Variants in CABCOCO1 observed in about 807,000 individuals in gnomAD.
CABCOCO1 encodes ciliary-associated calcium-binding coiled-coil protein 1.
Under a neutral mutation model 35.7 loss-of-function variants are expected in CABCOCO1, and 28 were observed. That is an observed-to-expected ratio of 0.78 (90% CI 0.58 to 1.07). The LOEUF (loss-of-function observed/expected upper bound fraction) is 1.07, where lower values mean the gene tolerates loss of function less well. Ranked by LOEUF, CABCOCO1 falls within the 50% of genes least tolerant of loss-of-function variation. The pLI, the probability that CABCOCO1 is intolerant of heterozygous loss-of-function variation, is 0.00. For missense variants in CABCOCO1, 326 were observed against 309.2 expected (o/e 1.05, Z -0.41); for synonymous variants, 95 against 100.1 (o/e 0.95, Z 0.30).
chr10:61,747,358 T>C (rs1368899160), intron 5 of CABCOCO1, among the ~76,000 whole-genome samples: 2 of 152,158 alleles, frequency 1.3e-5, no homozygotes, highest in African/African-American at 2.4e-5. Flanking sequence ...AGAAATAGAA[T>C]GTGTCATTTC....
intron 1 of CABCOCO1, among the ~76,000 whole-genome samples, chr10:61,665,885 T>TAAA (rs1839156397): frequency 1.1e-5 from 1 of 89,230 alleles, no homozygotes; most frequent in African/African-American, 3.2e-5. Context: ...AGACTCCGTC[T>TAAA]CAAAAAAAAA....
chr10:61,698,959 C>T lies in CABCOCO1; in HGVS notation c.552+8338C>T, dbSNP rs544057939. 4.9e-4 allele frequency among the ~76,000 whole-genome samples: 74 copies of T among 152,070 alleles called. 1 individual carries two copies. The highest frequency in any genetic ancestry group is 1.7e-3 in the African/African-American group (71 of 41,502). ...ATATCTTTTTTTCTCTTCAGTTTAC[C>T]CTTGAGATGTACCTATCAAAATAAT... On this transcript the variant is annotated intron_variant, in intron 5 of 7. Transcript: ENST00000648843.
chr10:61,695,807 C>T (rs1039318125), intron 5 of CABCOCO1, among the ~76,000 whole-genome samples: 2 of 151,674 alleles, frequency 1.3e-5, no homozygotes, highest in Non-Finnish European at 2.9e-5. Flanking sequence ...AAGAAAAAGG[C>T]AAAGAAGGCA....
intron 5 of CABCOCO1, among the ~76,000 whole-genome samples, chr10:61,715,249 C>T (rs988962155): frequency 6.6e-6 from 1 of 152,062 alleles, no homozygotes; most frequent in Non-Finnish European, 1.5e-5. Flanking sequence ...TTGAATTGAT[C>T]CCTTTACCAT....
intron 5 of CABCOCO1, among the ~76,000 whole-genome samples, chr10:61,728,773 A>T (rs1159993974): frequency 2.0e-5 from 3 of 152,158 alleles, no homozygotes. Context: ...GAGTCAACAC[A>T]ACTGGCAGCA....
Position 61,679,644 on chromosome 10 carries a change from A to G in CABCOCO1, c.165-1499A>G, listed in dbSNP as rs963917194. Among the ~76,000 whole-genome samples the G allele has an allele frequency of 1.7e-4, 26 of 152,326 alleles. 3 individuals are homozygous for G. Among genetic ancestry groups the G allele is most frequent in the Admixed American group, 1.4e-3 (22 of 15,292 alleles). ...TCCAGTGTATTTCCCGAAAGTAGGT[A>G]TTCAAGGACAAAAACTCCCTTCATC... is the stretch of plus-strand genomic sequence containing the variant. On this transcript the variant is annotated intron_variant, in intron 2 of 7. Coordinates refer to ENST00000648843, the MANE Select transcript of CABCOCO1 (RefSeq NM_001366906.2).
intron 5 of CABCOCO1, among the ~76,000 whole-genome samples, chr10:61,740,673 G>A (rs1339942377): frequency 6.6e-6 from 1 of 152,174 alleles, no homozygotes. Flanking sequence ...GGGATTATAT[G>A]CAGGGTACCT....
At chr10:61,751,543 G>A (rs916653012) in intron 5 of CABCOCO1, among the ~76,000 whole-genome samples, 1 of 152,058 alleles carries the variant, frequency 6.6e-6, no homozygotes, top group African/African-American at 2.4e-5. Context: ...AGCAGGTTTG[G>A]GGAAGGTAAT....
At chr10:61,688,748 T>G (rs1375463840) in intron 4 of CABCOCO1, among the ~76,000 whole-genome samples, 3 of 152,232 alleles carry the variant, frequency 2.0e-5, no homozygotes, top group Admixed American at 2.0e-4. Context: ...GCCAGACATC[T>G]TGAATTATTT....
chr10:61,766,049 A>G lies in CABCOCO1; in HGVS notation c.*36A>G. 1 of 1,566,202 alleles carries G rather than the reference A, an allele frequency of 6.4e-7. No individual in the cohort carries two copies. The highest frequency in any genetic ancestry group is 8.8e-7 in the Non-Finnish European group (1 of 1,141,034). On this transcript the variant is annotated 3_prime_UTR_variant, in exon 8 of 8. Transcript: ENST00000648843. ...CAAGGAGAGTGATGCTAAACTTCAC[A>G]GAAACAAACAAAACCAGCCAGAATA... is the stretch of plus-strand genomic sequence containing the variant.
chr10:61,714,718 T>C (rs1047993214), intron 5 of CABCOCO1, among the ~76,000 whole-genome samples: 6 of 152,196 alleles, frequency 3.9e-5, no homozygotes, highest in African/African-American at 1.4e-4. Flanking sequence ...TGTGTCTTTG[T>C]TCTTATTGGT....
intron 5 of CABCOCO1, among the ~76,000 whole-genome samples, chr10:61,742,195 ACT>A (rs1414600961): frequency 3.9e-5 from 6 of 152,086 alleles, no homozygotes; most frequent in African/African-American, 1.4e-4. Flanking sequence ...TAGCTGCAAG[ACT>A]CGGGGGGAGA....
chr10:61,705,159 T>A (rs1275000102), intron 5 of CABCOCO1, among the ~76,000 whole-genome samples: 1 of 152,212 alleles, frequency 6.6e-6, no homozygotes, highest in East Asian at 1.9e-4. Flanking sequence ...TACTGATAAC[T>A]CTAAAACCTT....
In CABCOCO1 at chr10:61,677,697, C is replaced by T. The variant is rs529649531; in HGVS notation, c.165-3446C>T. ...CCTCCTAATGCTATCCCTCCCCACTCCCCCAACCCCACAACAGGCCCCAGT... is the reference window on the plus strand; with the variant it reads ...CCTCCTAATGCTATCCCTCCCCACTTCCCCAACCCCACAACAGGCCCCAGT... On this transcript the variant is annotated intron_variant, in intron 2 of 7. Coordinates refer to ENST00000648843, the MANE Select transcript of CABCOCO1 (RefSeq NM_001366906.2). 5.9e-5 allele frequency among the ~76,000 whole-genome samples: 9 copies of T among 152,176 alleles called. No homozygotes were observed. The South Asian group carries it at 1.0e-3, about 18-fold the overall frequency.
Position 61,765,128 on chromosome 10 carries a change from C to T in CABCOCO1, c.817-811C>T, listed in dbSNP as rs112930119. On this transcript the variant is annotated intron_variant, in intron 7 of 7. Coordinates refer to ENST00000648843, the MANE Select transcript of CABCOCO1 (RefSeq NM_001366906.2). ...TGTGTATAAGCTACTCCTTATACAGCGGTAGACATTTTAAAAATCACCTAA... is the reference window on the plus strand; with the variant it reads ...TGTGTATAAGCTACTCCTTATACAGTGGTAGACATTTTAAAAATCACCTAA... 6.1e-3 allele frequency among the ~76,000 whole-genome samples: 934 copies of T among 152,144 alleles called. 8 individuals carry two copies. The highest frequency in any genetic ancestry group is 0.021 in the African/African-American group (864 of 41,514).
At chr10:61,758,523 T>C (rs1360567869) in intron 5 of CABCOCO1, among the ~76,000 whole-genome samples, 1 of 152,078 alleles carries the variant, frequency 6.6e-6, no homozygotes, top group Non-Finnish European at 1.5e-5. Context: ...TAACATTTAG[T>C]TGACTTAAGA....
intron 5 of CABCOCO1, among the ~76,000 whole-genome samples, chr10:61,745,353 T>C (rs1841633263): frequency 6.6e-6 from 1 of 152,180 alleles, no homozygotes; most frequent in South Asian, 2.1e-4. Context: ...TGGGTAACTA[T>C]TATGAGGCTA....
chr10:61,722,289 A>G (rs563721070), intron 5 of CABCOCO1, among the ~76,000 whole-genome samples: 24 of 152,306 alleles, frequency 1.6e-4, no homozygotes, highest in African/African-American at 5.8e-4. Flanking sequence ...TACATAATAA[A>G]CTGTCTGACA....
At chr10:61,721,110 G>A (rs1230217125) in intron 5 of CABCOCO1, among the ~76,000 whole-genome samples, 9 of 151,464 alleles carry the variant, frequency 5.9e-5, no homozygotes, top group Non-Finnish European at 1.0e-4. Flanking sequence ...ATTTTTAGTA[G>A]AGACGGGGTT....
Sources: gnomAD v4.1 joint callset for allele counts (sites outside exome capture counted in the v4.1 genomes callset) on GRCh38, gnomAD v4.1.1 for gene constraint, MANE v1.5 for transcripts, NCBI Gene and HGNC (gene_info 2026-07-23, HGNC 2026-07-21) for gene names.